The following LARP4B variants were observed in gnomAD, a reference collection of about 807,000 sequenced individuals.
The protein encoded by LARP4B is la-related protein 4B.
Under a neutral mutation model 89.8 loss-of-function variants are expected in LARP4B, and 12 were observed. That is an observed-to-expected ratio of 0.13 (90% confidence interval 0.09 to 0.22). The LOEUF (loss-of-function observed/expected upper bound fraction) is 0.22. LARP4B is among the 10% of genes least tolerant of loss of function. LARP4B has a pLI of 1.00. For synonymous variants in LARP4B, 367 were observed against 363.3 expected (o/e 1.01, Z -0.12); for missense variants, 757 against 947.7 (o/e 0.80, Z 2.64).
chr10:817,604 G>A lies in LARP4B; in HGVS notation c.1695+121C>T. On this transcript the variant is annotated intron_variant, in intron 15 of 17. Coordinates refer to ENST00000316157, the MANE Select transcript of LARP4B (RefSeq NM_015155.3). ...TCTGTGTGACCTCTGCAATCACGTG[G>A]CCTCCAAGCCTCTCTTGAGTATTAA... 5.3e-6 allele frequency: 5 copies of A among 943,246 alleles called. No homozygotes were observed. In the East Asian group the frequency reaches 7.4e-5, roughly 14 times the overall value. The allele number at this position is 943,246 out of a possible 1,614,324, so 58.4% of individuals were successfully genotyped here.
the LARP4B span, among the ~76,000 whole-genome samples, chr10:946,296 G>A: frequency 6.6e-6 from 1 of 152,118 alleles, no homozygotes; most frequent in Non-Finnish European, 1.5e-5. Context: ...TTTCTGGGGA[G>A]GCCTTTACAC....
chr10:814,697 G>C lies in LARP4B; in HGVS notation c.1929+45C>G. Reference sequence around the variant, plus strand: ...GAGTGCGCAGCGTCTGTTCACACCAGAGCCTCGCGGCTGTCGTGCAGGAAG... The same window carrying C: ...GAGTGCGCAGCGTCTGTTCACACCACAGCCTCGCGGCTGTCGTGCAGGAAG... On this transcript the variant is annotated intron_variant, in intron 17 of 17. Transcript: ENST00000316157. This position sits in a 1 kb window ranked among gnomAD's most constrained non-coding sequence, Gnocchi z 4.4. 1 of 1,559,216 alleles carries C rather than the reference G, an allele frequency of 6.4e-7. No individual in the cohort carries two copies. Among genetic ancestry groups the C allele is most frequent in the Non-Finnish European group, 8.7e-7 (1 of 1,151,046 alleles).
chr10:806,934 A>G (rs895486311), downstream of LARP4B: 1 of 152,434 alleles, frequency 6.6e-6, no homozygotes, highest in African/African-American at 2.4e-5. Context: ...GGCAGATGTA[A>G]TTGGTCCATA....
chr10:833,887 C>CAAAAAAAAAAAAA (rs34834355), intron 8 of LARP4B, among the ~76,000 whole-genome samples: 2 of 75,072 alleles, frequency 2.7e-5, no homozygotes, highest in Non-Finnish European at 5.3e-5. Context: ...GATGCCACCT[C>CAAAAAAAAAAAAA]AAAAAAAAAA....
At chr10:862,256 T>TA (rs10661482) in intron 5 of LARP4B, among the ~76,000 whole-genome samples, 30,105 of 84,540 alleles carry the variant, frequency 0.36, 5,051 homozygotes, top group East Asian at 0.47. Flanking sequence ...CCACTGAAGT[T>TA]AAAAAAAAAA....
chr10:840,573 CTGG>C, intron 7 of LARP4B, among the ~76,000 whole-genome samples: 1 of 152,266 alleles, frequency 6.6e-6, no homozygotes, highest in Admixed American at 6.5e-5. Flanking sequence ...CGTATTTATT[CTGG>C]TGACAAATAT....
chr10:973,308 A>C, the LARP4B span, among the ~76,000 whole-genome samples: 24 of 151,986 alleles, frequency 1.6e-4, no homozygotes, highest in Admixed American at 2.6e-4. Flanking sequence ...ATAAAACAAC[A>C]ACCATTCAGT....
At chr10:932,274 C>A (rs1019381114), upstream of LARP4B, among the ~76,000 whole-genome samples, 13 of 149,548 alleles carry the variant, frequency 8.7e-5, no homozygotes, top group Admixed American at 8.6e-4. Flanking sequence ...CACCCCACAG[C>A]TGGGATCAAG....
rs771299369 is a variant in LARP4B, at chr10:813,035, G to C, written c.2108C>G (p.Pro703Arg). 2.5e-6 allele frequency: 4 copies of C among 1,613,362 alleles called. No homozygotes were observed. Among genetic ancestry groups the C allele is most frequent in the Non-Finnish European group, 3.4e-6 (4 of 1,179,950 alleles). ...YREPPALKST[P>R]GAPRDQRRPA... ...CCGCCTCTGGTCTCTGGGGGCTCCAGGTGTGGACTTGAGGGCTGGGGGCTC... is the reference window on the plus strand; with the variant it reads ...CCGCCTCTGGTCTCTGGGGGCTCCACGTGTGGACTTGAGGGCTGGGGGCTC... The change falls in exon 18 of 18, where the codon CCT (proline) becomes CGT (arginine). Residue 703 changes from proline (P) to arginine (R), a missense_variant. Around this residue, in one of 5 missense-constraint regions of LARP4B, gnomAD observed 387 missense variants for 423.6 expected, o/e 0.91. Coordinates refer to ENST00000316157, the MANE Select transcript of LARP4B (RefSeq NM_015155.3).
Position 812,541 on chromosome 10 carries a change from T to TA in LARP4B, c.*384dup, listed in dbSNP as rs58718835. ...GATATGCACTTACAGACCAGTTACT[T>TA]AAAAAAAAAAAAAAAAAGCAGAGTT... is the stretch of plus-strand genomic sequence containing the variant. On this transcript the variant is annotated 3_prime_UTR_variant, in exon 18 of 18. Transcript: ENST00000316157. 0.38 allele frequency: 50,338 copies of TA among 132,840 alleles called. 9,371 individuals carry two copies. Among genetic ancestry groups the TA allele is most frequent in the South Asian group, 0.47 (1,955 of 4,142 alleles). The allele number at this position is 132,840 out of a possible 1,614,324, so 8.2% of individuals were successfully genotyped here.
intron 5 of LARP4B, among the ~76,000 whole-genome samples, chr10:860,887 A>G (rs1399312035): frequency 6.6e-6 from 1 of 152,128 alleles, no homozygotes; most frequent in Non-Finnish European, 1.5e-5. Context: ...CCGGGCATGA[A>G]GGCTTACACC....
At chr10:821,093 T>C (rs1832328652) in intron 13 of LARP4B, among the ~76,000 whole-genome samples, 1 of 152,202 alleles carries the variant, frequency 6.6e-6, no homozygotes, top group South Asian at 2.1e-4. Context: ...AAACACTGAC[T>C]GAAACCAACT....
chr10:834,138 C>T (rs796737402), intron 8 of LARP4B, among the ~76,000 whole-genome samples: 63 of 152,216 alleles, frequency 4.1e-4, no homozygotes, highest in African/African-American at 1.5e-3. Context: ...TAGCCAGGTA[C>T]ACCTCAAAAA....
the LARP4B span, among the ~76,000 whole-genome samples, chr10:961,268 C>G: frequency 6.6e-6 from 1 of 152,222 alleles, no homozygotes; most frequent in African/African-American, 2.4e-5. Flanking sequence ...TAAAGGCACA[C>G]CTGAGGCTGG....
chr10:954,747 C>T, the LARP4B span, among the ~76,000 whole-genome samples: 11 of 151,768 alleles, frequency 7.2e-5, no homozygotes, highest in African/African-American at 1.7e-4. The surrounding 1 kb of genome is among the most constrained non-coding windows in gnomAD (Gnocchi z 5.0). Flanking sequence ...CCTCCCCGCA[C>T]TTCCCAGGAC....
chr10:936,801 G>A (rs1466517825), upstream of LARP4B, among the ~76,000 whole-genome samples: 1 of 152,116 alleles, frequency 6.6e-6, no homozygotes, highest in Non-Finnish European at 1.5e-5. Flanking sequence ...AGTATCTCCA[G>A]CCACAAAAGC....
chr10:965,286 G>T, the LARP4B span, among the ~76,000 whole-genome samples: 1 of 152,222 alleles, frequency 6.6e-6, no homozygotes, highest in East Asian at 1.9e-4. Context: ...AAGGACAGAA[G>T]GCGGTGGTGC....
chr10:913,060 A>C (rs920270967), intron 1 of LARP4B, among the ~76,000 whole-genome samples: 1 of 145,978 alleles, frequency 6.9e-6, no homozygotes, highest in Non-Finnish European at 1.5e-5. Context: ...GCAATTCCTG[A>C]CTATCCCTTT....
upstream of LARP4B, among the ~76,000 whole-genome samples, chr10:936,001 C>T (rs1830745063): frequency 6.6e-6 from 1 of 152,076 alleles, no homozygotes; most frequent in South Asian, 2.1e-4. Context: ...GCCTCCGCCT[C>T]CCAAAAATGC....
Sources: allele counts gnomAD v4.1 joint callset (sites outside exome capture counted in the v4.1 genomes callset), GRCh38; gene constraint gnomAD v4.1.1; regional missense constraint gnomAD v4.1.1; non-coding constraint Gnocchi (gnomAD v3.1); transcripts MANE v1.5; gene names NCBI Gene and HGNC (gene_info 2026-07-23, HGNC 2026-07-21).